The following AHNAK2 variants were observed in gnomAD, a reference collection of about 807,000 sequenced individuals.
AHNAK2 encodes AHNAK nucleoprotein 2.
In AHNAK2, 18 loss-of-function variants were observed where a neutral mutation model predicts 30.7. The observed-to-expected ratio is 0.59, with a 90% CI of 0.41 to 0.87. The LOEUF (loss-of-function observed/expected upper bound fraction) is 0.87, where lower values mean the gene tolerates loss of function less well. Among genes scored for constraint, AHNAK2 ranks in the 40% least tolerant of loss-of-function variants. The pLI is 0.00. For missense variants in AHNAK2, 8,604 were observed against 7,373.0 expected (o/e 1.17, Z -6.11); for synonymous variants, 3,590 against 3,073.8 (o/e 1.17, Z -5.56).
At chr14:104,955,971 A>G (rs1024249436) in intron 4 of AHNAK2, among the ~76,000 whole-genome samples, 6 of 123,540 alleles carry the variant, frequency 4.9e-5, no homozygotes, top group South Asian at 2.6e-4. Context: ...CAGCTCCTTC[A>G]TGCATTCTTC....
Position 104,946,173 on chromosome 14 carries a change from G to C in AHNAK2, c.9278C>G (p.Pro3093Arg), listed in dbSNP as rs201803217. Residue 3093 changes from proline to arginine, a missense_variant, in exon 7 of 7, where the codon CCG (proline) becomes CGG (arginine). Pro to Arg is a moderately radical substitution (Grantham distance 103). Coordinates refer to ENST00000333244, the MANE Select transcript of AHNAK2 (RefSeq NM_138420.4). ...VKGPKLDLKG[P>R]KTDVTAPDVE... ...GTCGGGGGCCGTCACGTCCGTCTTC[G>C]GGCCTTTCAGGTCCAGCTTGGGGCC... The C allele has an allele frequency of 2.5e-6, 4 of 1,611,092 alleles. No homozygotes were observed. The South Asian group carries it at 3.3e-5, about 13-fold the overall frequency.
In AHNAK2 at chr14:104,950,031, C is replaced by T. The variant is rs778764593; in HGVS notation, c.5420G>A (p.Gly1807Asp). The T allele has an allele frequency of 7.6e-6, 12 of 1,587,054 alleles. 1 individual carries two copies. In the East Asian group the frequency reaches 2.5e-4, roughly 33 times the overall value. ...ATCCTTGTCGGCCAGGGACAGGTCA[C>T]CCTCCAGCCGCACACTGTCCAGCTT... ...GAKLDSVRLE[G>D]DLSLADKDVT... Residue 1807 changes from glycine (G) to aspartate (D), a missense_variant, in exon 7 of 7, where the codon GGT becomes GAT. Coordinates refer to ENST00000333244, the MANE Select transcript of AHNAK2 (RefSeq NM_138420.4).
intron 1 of AHNAK2, among the ~76,000 whole-genome samples, chr14:104,974,989 A>G (rs1457301567): frequency 6.6e-6 from 1 of 152,244 alleles, no homozygotes; most frequent in African/African-American, 2.4e-5. Context: ...CACAAGAGGA[A>G]GGACACAGAG....
rs369033265 is a variant in AHNAK2 at position 104,944,590 on chromosome 14, C to A, written c.10861G>T (p.Glu3621Ter). Reference sequence around the variant, plus strand: ...TTGTCAGCCAGGGACAGGTCTCCCTCCAGCCGCCCAGCATCCAGCTTGGCC... The same window carrying A: ...TTGTCAGCCAGGGACAGGTCTCCCTACAGCCGCCCAGCATCCAGCTTGGCC... The part of the protein sequence containing the change: ...PKAKLDAGRL[E>*]GDLSLADKDV... The change falls in exon 7 of 7, where the codon GAG becomes TAG. Residue 3621 changes from glutamate to a stop codon, truncating the protein, a stop_gained. Coordinates refer to ENST00000333244, the MANE Select transcript of AHNAK2 (RefSeq NM_138420.4). LOFTEE classifies it low-confidence loss of function (END_TRUNC). The A allele has an allele frequency of 6.8e-5, 110 of 1,613,240 alleles. No homozygotes were observed. The highest frequency in any genetic ancestry group is 1.6e-4 in the Middle Eastern group (1 of 6,078).
Position 104,943,061 on chromosome 14 carries a change from G to C in AHNAK2, c.12390C>G (p.Asp4130Glu). 6 of 1,612,948 alleles carry C rather than the reference G, an allele frequency of 3.7e-6. No individual in the cohort carries two copies. The highest frequency in any genetic ancestry group is 5.1e-6 in the Non-Finnish European group (6 of 1,179,538). The stretch of plus-strand genomic sequence containing the variant: ...TGAACTTGGGCATTTTGAACTTGCT[G>C]TCTTTGGCAGTCACATCCTTGTCGG... Reference protein sequence around the residue: ...SLADKDVTAKDSKFKMPKFKM... With the variant: ...SLADKDVTAKESKFKMPKFKM... Residue 4130 changes from aspartate (D) to glutamate (E), a missense_variant, in exon 7 of 7, where the codon GAC (aspartate) becomes GAG (glutamate). Physicochemically the swap from Asp to Glu is conservative, Grantham distance 45. Coordinates refer to ENST00000333244, the MANE Select transcript of AHNAK2 (RefSeq NM_138420.4).
In AHNAK2 at chr14:104,938,104, C is replaced by T. The variant is rs562319458; in HGVS notation, c.17347G>A (p.Asp5783Asn). 42 of 1,613,932 alleles carry T rather than the reference C, an allele frequency of 2.6e-5. No homozygotes were observed. In the East Asian group the frequency reaches 4.5e-4, roughly 17 times the overall value. Reference protein sequence around the residue: ...ILPEQDRKADDESKGSGLGPN... With the variant: ...ILPEQDRKADNESKGSGLGPN... ...CCCAGGCCTGACCCTTTGCTTTCAT[C>T]GTCAGCTTTTCTGTCCTGCTCGGGC... Residue 5783 changes from aspartate to asparagine, a missense_variant, in exon 7 of 7, where the codon GAT becomes AAT. Transcript: ENST00000333244.
Position 104,944,028 on chromosome 14 carries a change from A to T in AHNAK2, c.11423T>A (p.Phe3808Tyr), listed in dbSNP as rs768054150. The change falls in exon 7 of 7, where the codon TTC (phenylalanine) becomes TAC (tyrosine). Residue 3808 changes from phenylalanine (F) to tyrosine (Y), a missense_variant. Transcript: ENST00000333244. ...AKDSKFKMPK[F>Y]KMPSFGVSAP... ...AGACACCCCAAATGACGGCATCTTG[A>T]ACTTGGGCATTTTGAATTTGCTGTC... 1 of 1,612,622 alleles carries T rather than the reference A, an allele frequency of 6.2e-7. No homozygotes were observed.
Position 104,944,247 on chromosome 14 carries a change from T to C in AHNAK2, c.11204A>G (p.Asp3735Gly), listed in dbSNP as rs749974199. 5 of 1,612,650 alleles carry C rather than the reference T, an allele frequency of 3.1e-6. No individual in the cohort carries two copies. Among genetic ancestry groups the C allele is most frequent in the Non-Finnish European group, 4.2e-6 (5 of 1,179,444 alleles). Reference sequence around the variant, plus strand: ...GATGTCCACCTGGGGGCCCTTGAGGTCCACTTTGGGCATCTTCAAACTGGG... The same window carrying C: ...GATGTCCACCTGGGGGCCCTTGAGGCCCACTTTGGGCATCTTCAAACTGGG... ...EMPSLKMPKV[D>G]LKGPQVDIKG... is the part of the protein sequence containing the mutation. Residue 3735 changes from aspartate (D) to glycine (G), a missense_variant, in exon 7 of 7, where the codon GAC (aspartate) becomes GGC (glycine). Physicochemically the swap from Asp to Gly is moderately conservative, Grantham distance 94. Transcript: ENST00000333244.
rs1324182509 is a variant in AHNAK2 at position 104,940,864 on chromosome 14, G to T, written c.14587C>A (p.Pro4863Thr). The T allele has an allele frequency of 6.2e-7, 1 of 1,612,998 alleles. No individual in the cohort carries two copies. Among genetic ancestry groups the T allele is most frequent in the Admixed American group, 1.7e-5 (1 of 59,982 alleles). Residue 4863 changes from proline to threonine, a missense_variant, in exon 7 of 7, where the codon CCT becomes ACT. By Grantham distance (38) the Pro-to-Thr change is conservative. Transcript: ENST00000333244. The surrounding 1 kb of genome is among the most constrained non-coding windows in gnomAD (Gnocchi z 4.4). The part of the protein sequence containing the change: ...IPVSLGQVSF[P>T]KFYKPKFVFS... Reference sequence around the variant, plus strand: ...ACAAACTTTGGTTTATAGAATTTAGGAAAAGATACCTGACCAAGAGAAACA... The same window carrying T: ...ACAAACTTTGGTTTATAGAATTTAGTAAAAGATACCTGACCAAGAGAAACA...
Position 104,965,972 on chromosome 14 carries a change from C to T in AHNAK2, c.56-8300G>A, listed in dbSNP as rs141696479. 6.6e-3 allele frequency among the ~76,000 whole-genome samples: 1,005 copies of T among 152,326 alleles called. 10 individuals carry two copies. Among genetic ancestry groups the T allele is most frequent in the South Asian group, 0.014 (70 of 4,834 alleles). ...AGGCACCCCCAGGGCCATGCCTGCT[C>T]ATCCCAAGAGCACCTCTGCCTGCGC... On this transcript the variant is annotated intron_variant, in intron 1 of 6. Coordinates refer to ENST00000333244, the MANE Select transcript of AHNAK2 (RefSeq NM_138420.4).
chr14:104,950,943 A>T lies in AHNAK2; in HGVS notation c.4508T>A (p.Phe1503Tyr), dbSNP rs369385779. 1.2e-5 allele frequency: 18 copies of T among 1,534,088 alleles called. 3 individuals are homozygous for T. The African/African-American group carries it at 1.7e-4, about 14-fold the overall frequency. The change falls in exon 7 of 7, where the codon TTC (phenylalanine) becomes TAC (tyrosine). Residue 1503 changes from phenylalanine (F) to tyrosine (Y), a missense_variant. Physicochemically the swap from Phe to Tyr is conservative, Grantham distance 22. Coordinates refer to ENST00000333244, the MANE Select transcript of AHNAK2 (RefSeq NM_138420.4). ...FKMPKFKMPS[F>Y]GVSAPGKSIE... ...GGACTTGCCTGGGGCAGACACCCCG[A>T]ACGACGGCATCTTGAACTTGGGCAT...
chr14:104,949,951 C>G lies in AHNAK2; in HGVS notation c.5500G>C (p.Gly1834Arg). The G allele has an allele frequency of 6.3e-7, 1 of 1,589,284 alleles. No homozygotes were observed. Residue 1834 changes from glycine (G) to arginine (R), a missense_variant, in exon 7 of 7, where the codon GGG becomes CGG. Gly to Arg is a moderately radical substitution (Grantham distance 125). Transcript: ENST00000333244. ...KMPKFKMPSF[G>R]VSAPGKSIEA... is the part of the protein sequence containing the mutation. ...ATGGACTTGCCTGGGGCAGACACCC[C>G]GAACGACGGCATCTTGAACTTGGGC...
Position 104,939,972 on chromosome 14 carries a change from T to C in AHNAK2, c.15479A>G (p.Gln5160Arg), listed in dbSNP as rs753790801. 6 of 1,612,158 alleles carry C rather than the reference T, an allele frequency of 3.7e-6. No individual in the cohort carries two copies. Among genetic ancestry groups the C allele is most frequent in the Non-Finnish European group, 5.1e-6 (6 of 1,179,894 alleles). ...GIAPTPEDPL[Q>R]PSCRKPDAEV... is the part of the protein sequence containing the mutation. ...AGCATCTGGTTTTCTACAGGATGGCTGGAGGGGATCTTCAGGTGTGGGGGC... is the reference window on the plus strand; with the variant it reads ...AGCATCTGGTTTTCTACAGGATGGCCGGAGGGGATCTTCAGGTGTGGGGGC... The change falls in exon 7 of 7, where the codon CAG becomes CGG. Residue 5160 changes from glutamine (Q) to arginine (R), a missense_variant. Transcript: ENST00000333244.
In AHNAK2 at chr14:104,942,702, G is replaced by A. The variant is rs370520306; in HGVS notation, c.12749C>T (p.Ala4250Val). Residue 4250 changes from alanine to valine, a missense_variant, in exon 7 of 7, where the codon GCG becomes GTG. Ala to Val is a moderately conservative substitution (Grantham distance 64). Transcript: ENST00000333244. ...CTCCACGACGGGGGTCATCACATCC[G>A]CCTTGGGGCCTTTCAGGTCCAGCTT... ...GPKLDLKGPK[A>V]DVMTPVVEVS... The A allele has an allele frequency of 4.8e-5, 78 of 1,612,718 alleles. 2 individuals carry two copies. The Admixed American group carries it at 5.3e-4, about 11-fold the overall frequency.
chr14:104,964,930 T>C (rs750547765), intron 1 of AHNAK2, among the ~76,000 whole-genome samples: 1 of 152,270 alleles, frequency 6.6e-6, no homozygotes, highest in Non-Finnish European at 1.5e-5. Context: ...ATTGGATATA[T>C]TCCTAGAAAA....
Position 104,938,296 on chromosome 14 carries a change from C to T in AHNAK2, c.17155G>A (p.Ala5719Thr), listed in dbSNP as rs746448000. 2.5e-6 allele frequency: 4 copies of T among 1,613,818 alleles called. No homozygotes were observed. Among genetic ancestry groups the T allele is most frequent in the African/African-American group, 2.7e-5 (2 of 74,924 alleles). The change falls in exon 7 of 7, where the codon GCA becomes ACA. Residue 5719 changes from alanine (A) to threonine (T), a missense_variant. Ala to Thr is a moderately conservative substitution (Grantham distance 58). Transcript: ENST00000333244. ...TKKSKSTEDG[A>T]ELEEQKLQEE... ...TGAAGTTTTTGTTCTTCCAGCTCTGCCCCATCTTCGGTGCTTTTGCTTTTC... is the reference window on the plus strand; with the variant it reads ...TGAAGTTTTTGTTCTTCCAGCTCTGTCCCATCTTCGGTGCTTTTGCTTTTC...
chr14:104,969,734 G>A (rs1452084646), intron 1 of AHNAK2, among the ~76,000 whole-genome samples: 1 of 152,152 alleles, frequency 6.6e-6, no homozygotes. Context: ...TGAGGCACAG[G>A]GTAGCACATG....
rs1245746924 is a variant in AHNAK2, at chr14:104,973,658, C to T, written c.55+4525G>A. ...CCCCAGCTGCCCCTGCTTGGCTATA[C>T]CCTCAGCAGCGTCCAGGCAGGGGTG... On this transcript the variant is annotated intron_variant, in intron 1 of 6. Transcript: ENST00000333244. 3.3e-5 allele frequency among the ~76,000 whole-genome samples: 5 copies of T among 152,314 alleles called. No individual in the cohort carries two copies. In the South Asian group the frequency reaches 1.0e-3, roughly 32 times the overall value.
At chr14:104,957,263 G>A in intron 3 of AHNAK2, 147 bp downstream of exon 3, 1 of 727,044 alleles carries the variant, frequency 1.4e-6, no homozygotes. Flanking sequence ...CAAGGGCACA[G>A]AGGAGTCTGA....
Sources: gnomAD v4.1 joint callset for allele counts (sites outside exome capture counted in the v4.1 genomes callset) on GRCh38, gnomAD v4.1.1 for gene constraint, Gnocchi (gnomAD v3.1) non-coding constraint, MANE v1.5 for transcripts, NCBI Gene and HGNC (gene_info 2026-07-23, HGNC 2026-07-21) for gene names.